PIK3C2G: variants seen among roughly 807,000 people sequenced by gnomAD.
PIK3C2G encodes the protein phosphatidylinositol-4-phosphate 3-kinase catalytic subunit type 2 gamma.
In PIK3C2G, 168 loss-of-function variants were observed where a neutral mutation model predicts 181.1. The ratio of observed to expected loss-of-function variants is 0.93; its 90% CI spans 0.82 to 1.05. The LOEUF (loss-of-function observed/expected upper bound fraction) is 1.05. Ranked by LOEUF, PIK3C2G falls within the 50% of genes least tolerant of loss-of-function variation. PIK3C2G has a pLI of 0.00. For missense variants in PIK3C2G, 1,869 were observed against 1,732.8 expected (o/e 1.08, Z -1.40); for synonymous variants, 573 against 592.2 (o/e 0.97, Z 0.47).
At position 18,488,475 on chromosome 12, in the gene PIK3C2G, C is replaced by G; in HGVS notation, c.2531C>G (p.Ala844Gly). The G allele has an allele frequency of 6.5e-7, 1 of 1,528,888 alleles. No individual in the cohort carries two copies. The highest frequency in any genetic ancestry group is 8.8e-7 in the Non-Finnish European group (1 of 1,140,346). The allele number at this position is 1,528,888 out of a possible 1,614,324, so 94.7% of individuals were successfully genotyped here. A position where few individuals can be genotyped will look rare whatever the true frequency, so the allele number is the denominator to read the frequency against. Residue 844 changes from alanine (A) to glycine (G), a missense_variant, in exon 19 of 33, where the codon GCT becomes GGT. Coordinates refer to ENST00000538779, the MANE Select transcript of PIK3C2G (RefSeq NM_001288772.2). The part of the protein sequence containing the change: ...YWLLKNAENE[A>G]YFKSWYQKLL... ...CTGCTAAAAAATGCAGAAAATGAAGCTTATTTTAAAAGCTGGTATCAGAAG... is the reference window on the plus strand; with the variant it reads ...CTGCTAAAAAATGCAGAAAATGAAGGTTATTTTAAAAGCTGGTATCAGAAG...
chr12:18,361,825 T>TC (rs1034443748), intron 11 of PIK3C2G, among the ~76,000 whole-genome samples: 1 of 152,166 alleles, frequency 6.6e-6, no homozygotes, highest in Non-Finnish European at 1.5e-5. Flanking sequence ...CAGAAACCAG[T>TC]CCCTCAGGCA....
chr12:18,414,929 G>A (rs942280408), intron 16 of PIK3C2G, among the ~76,000 whole-genome samples: 1 of 152,110 alleles, frequency 6.6e-6, no homozygotes, highest in African/African-American at 2.4e-5. Flanking sequence ...TAGTTTTATA[G>A]CTATTTCTCT....
In PIK3C2G at chr12:18,563,339, T is replaced by G. The variant is rs201908309; in HGVS notation, c.3781-38T>G. On this transcript the variant is annotated intron_variant, in intron 27 of 32. Coordinates refer to ENST00000538779, the MANE Select transcript of PIK3C2G (RefSeq NM_001288772.2). Reference sequence around the variant, plus strand: ...TTTTAGAGTGTATCACAGGCTGATATTGCCATCTTTTGATTTCTATCTATT... The same window carrying G: ...TTTTAGAGTGTATCACAGGCTGATAGTGCCATCTTTTGATTTCTATCTATT... 3 of 1,572,238 alleles carry G rather than the reference T, an allele frequency of 1.9e-6. No individual in the cohort carries two copies. In the African/African-American group the frequency reaches 4.0e-5, roughly 21 times the overall value.
intron 29 of PIK3C2G, among the ~76,000 whole-genome samples, chr12:18,586,961 T>A (rs1946814069): frequency 6.6e-6 from 1 of 152,060 alleles, no homozygotes; most frequent in African/African-American, 2.4e-5. Context: ...AAAAACCACA[T>A]GACTATCCCA....
intron 6 of PIK3C2G, among the ~76,000 whole-genome samples, chr12:18,320,558 T>C (rs1376712706): frequency 6.6e-6 from 1 of 152,244 alleles, no homozygotes; most frequent in African/African-American, 2.4e-5. Context: ...GAGTTGATTA[T>C]GTGTCTGCCC....
chr12:18,491,529 G>T lies in PIK3C2G; in HGVS notation c.2764G>T (p.Ala922Ser). 1 of 1,601,976 alleles carries T rather than the reference G, an allele frequency of 6.2e-7. No individual in the cohort carries two copies. The highest frequency in any genetic ancestry group is 8.6e-7 in the Non-Finnish European group (1 of 1,169,518). The change falls in exon 20 of 33, where the codon GCC becomes TCC. Residue 922 changes from alanine to serine, a missense_variant. Transcript: ENST00000538779. ...TACTTGTCATCTTCCTCTGAACCCT[G>T]CCCTATGTATAAAAGGGATTGATCA... ...VNTCHLPLNPALCIKGIDHDA... is the reference protein window; with the variant it reads ...VNTCHLPLNPSLCIKGIDHDA...
chr12:18,508,150 C>T (rs1014750474), intron 24 of PIK3C2G, among the ~76,000 whole-genome samples: 1 of 152,170 alleles, frequency 6.6e-6, no homozygotes, highest in African/African-American at 2.4e-5. Flanking sequence ...TAACCACCAG[C>T]TAAGGAGGCC....
At chr12:18,421,691 G>T (rs567379483) in intron 17 of PIK3C2G, among the ~76,000 whole-genome samples, 115 of 151,744 alleles carry the variant, frequency 7.6e-4, no homozygotes, top group Non-Finnish European at 1.3e-3. Flanking sequence ...TTTCCAGGAT[G>T]ACTGTATGCT....
At chr12:18,511,814 T>G (rs1442562796) in intron 24 of PIK3C2G, among the ~76,000 whole-genome samples, 1 of 152,090 alleles carries the variant, frequency 6.6e-6, no homozygotes, top group Non-Finnish European at 1.5e-5. Flanking sequence ...AGAAGTGTTT[T>G]AGTTTGATGC....
At chr12:18,258,499 T>C (rs554481314), upstream of PIK3C2G, among the ~76,000 whole-genome samples, 2 of 152,246 alleles carry the variant, frequency 1.3e-5, no homozygotes, top group East Asian at 3.9e-4. Flanking sequence ...AATTTAACTT[T>C]TTTAGATTTC....
intron 21 of PIK3C2G, 84 bp downstream of exon 21, chr12:18,496,238 AT>A: frequency 2.5e-6 from 2 of 811,064 alleles, no homozygotes; most frequent in Non-Finnish European, 3.9e-6. Flanking sequence ...TGTTGTGGCT[AT>A]TTTCCTCCAG....
Position 18,640,502 on chromosome 12 carries a change from G to C in PIK3C2G, c.4256G>C (p.Arg1419Thr). ...TTACCATATCCCAGTGAAGTTCGTA[G>C]GAGGAAAACAAAATCTGTTCCAAAA... ...YLLPYPSEVRRRKTKSVPKCT... is the reference protein window; with the variant it reads ...YLLPYPSEVRTRKTKSVPKCT... The change falls in exon 32 of 33, where the codon AGG (arginine) becomes ACG (threonine). Residue 1419 changes from arginine to threonine, a missense_variant. Transcript: ENST00000538779. 1 of 1,606,070 alleles carries C rather than the reference G, an allele frequency of 6.2e-7. No homozygotes were observed. Among genetic ancestry groups the C allele is most frequent in the African/African-American group, 1.3e-5 (1 of 74,930 alleles).
intron 24 of PIK3C2G, among the ~76,000 whole-genome samples, chr12:18,507,568 T>C (rs1017774754): frequency 6.6e-6 from 1 of 152,340 alleles, no homozygotes; most frequent in African/African-American, 2.4e-5. Context: ...GGGACAAATG[T>C]CAATTAACAT....
At chr12:18,425,639 C>T (rs1401395710) in intron 18 of PIK3C2G, among the ~76,000 whole-genome samples, 1 of 152,054 alleles carries the variant, frequency 6.6e-6, no homozygotes, top group African/African-American at 2.4e-5. Flanking sequence ...ATCTGCCTGC[C>T]TTGGCCTCCC....
chr12:18,530,265 T>C (rs781230079), intron 24 of PIK3C2G, among the ~76,000 whole-genome samples: 1 of 152,192 alleles, frequency 6.6e-6, no homozygotes, highest in Non-Finnish European at 1.5e-5. Flanking sequence ...AGAAGACCTG[T>C]TTTTCCCTTC....
intron 24 of PIK3C2G, among the ~76,000 whole-genome samples, chr12:18,537,879 A>G (rs1235674341): frequency 1.3e-5 from 2 of 152,012 alleles, no homozygotes; most frequent in Non-Finnish European, 2.9e-5. Context: ...CTTTTAATGA[A>G]TAATATTCCC....
At chr12:18,506,176 A>G (rs779028437) in intron 24 of PIK3C2G, among the ~76,000 whole-genome samples, 21 of 152,124 alleles carry the variant, frequency 1.4e-4, no homozygotes, top group Admixed American at 5.2e-4. Flanking sequence ...GGAAGAAACA[A>G]CAGCACATAC....
intron 18 of PIK3C2G, among the ~76,000 whole-genome samples, chr12:18,467,269 C>A (rs948664459): frequency 2.0e-5 from 3 of 151,956 alleles, no homozygotes; most frequent in African/African-American, 7.2e-5. Context: ...TGATTCTACT[C>A]CTCCTACTCT....
At chr12:18,701,625 TCC>T in the PIK3C2G span, 2 of 1,556,296 alleles carry the variant, frequency 1.3e-6, no homozygotes, top group Admixed American at 1.8e-5. Flanking sequence ...CTCCTCCTCC[TCC>T]TCCTCCTCCT....
Sources: gnomAD v4.1 joint callset for allele counts (sites outside exome capture counted in the v4.1 genomes callset) on GRCh38, gnomAD v4.1.1 for gene constraint, MANE v1.5 for transcripts, NCBI Gene and HGNC (gene_info 2026-07-23, HGNC 2026-07-21) for gene names.